MDGA2: variants seen among roughly 807,000 people sequenced by gnomAD.
MDGA2 encodes the protein MAM domain containing glycosylphosphatidylinositol anchor 2, also known as MAM domain-containing glycosylphosphatidylinositol anchor protein 2.
In MDGA2, 40 loss-of-function variants were observed where a neutral mutation model predicts 117.8. The ratio of observed to expected loss-of-function variants is 0.34; its 90% CI spans 0.26 to 0.44. The LOEUF (loss-of-function observed/expected upper bound fraction) is 0.44. Ranked by LOEUF, MDGA2 falls within the 20% of genes least tolerant of loss-of-function variation. MDGA2 has a pLI of 1.00. For missense variants in MDGA2, 1,123 were observed against 1,250.6 expected (o/e 0.90, Z 1.54); for synonymous variants, 452 against 439.0 (o/e 1.03, Z -0.37).
At chr14:47,106,214 A>C (rs1017636404) in intron 5 of MDGA2, among the ~76,000 whole-genome samples, 39 of 152,252 alleles carry the variant, frequency 2.6e-4, no homozygotes, top group Admixed American at 6.5e-4. Context: ...AATACATTTT[A>C]TTACCCAATC....
intron 3 of MDGA2, among the ~76,000 whole-genome samples, chr14:47,185,423 G>A (rs1884871740): frequency 6.6e-6 from 1 of 151,432 alleles, no homozygotes; most frequent in South Asian, 2.1e-4. Context: ...AGTTAATGAA[G>A]CTAAAGGTCA....
chr14:47,616,039 G>A (rs1896943389), intron 1 of MDGA2, among the ~76,000 whole-genome samples: 1 of 152,144 alleles, frequency 6.6e-6, no homozygotes, highest in South Asian at 2.1e-4. Flanking sequence ...GGAATGAGTA[G>A]GAGCGAGAGA....
At chr14:47,287,314 G>T (rs1359732521) in intron 2 of MDGA2, among the ~76,000 whole-genome samples, 6 of 152,088 alleles carry the variant, frequency 3.9e-5, no homozygotes, top group South Asian at 2.1e-4. Flanking sequence ...CAAGTAGAAG[G>T]GACCACAAAT....
In MDGA2 at chr14:47,639,782, A is replaced by G. The variant is rs576276850; in HGVS notation, c.280+34735T>C. On this transcript the variant is annotated intron_variant, in intron 1 of 16. Coordinates refer to ENST00000399232, the MANE Select transcript of MDGA2 (RefSeq NM_001113498.3). Reference sequence around the variant, plus strand: ...TCCAACAACAATCCGTCAAAATGTTAACACTGTATAAGACTCCACATGTGC... The same window carrying G: ...TCCAACAACAATCCGTCAAAATGTTGACACTGTATAAGACTCCACATGTGC... Among the ~76,000 whole-genome samples, 4 of 152,282 alleles carry G rather than the reference A, an allele frequency of 2.6e-5. No homozygotes were observed. In the East Asian group the frequency reaches 7.7e-4, roughly 29 times the overall value.
At chr14:47,324,313 G>C (rs1219075242) in intron 1 of MDGA2, among the ~76,000 whole-genome samples, 1 of 152,124 alleles carries the variant, frequency 6.6e-6, no homozygotes, top group Non-Finnish European at 1.5e-5. Flanking sequence ...TTCCTAAAGT[G>C]CAAAGTATAA....
At chr14:47,440,176 A>T (rs1343195697) in intron 1 of MDGA2, among the ~76,000 whole-genome samples, 1 of 152,020 alleles carries the variant, frequency 6.6e-6, no homozygotes, top group East Asian at 1.9e-4. Flanking sequence ...ACCCCTGAGG[A>T]TCCCTGGAGG....
intron 1 of MDGA2, among the ~76,000 whole-genome samples, chr14:47,482,501 C>T (rs1272413133): frequency 6.6e-6 from 1 of 152,024 alleles, no homozygotes; most frequent in Non-Finnish European, 1.5e-5. Flanking sequence ...TCATTCAGCA[C>T]AGAGAGCAAT....
intron 1 of MDGA2, among the ~76,000 whole-genome samples, chr14:47,497,325 C>T (rs1445890348): frequency 6.6e-6 from 1 of 152,162 alleles, no homozygotes; most frequent in Non-Finnish European, 1.5e-5. Flanking sequence ...GGCCCAATCT[C>T]GGCTCACTGC....
At chr14:47,219,503 T>C (rs550615090) in intron 2 of MDGA2, among the ~76,000 whole-genome samples, 1 of 152,092 alleles carries the variant, frequency 6.6e-6, no homozygotes, top group African/African-American at 2.4e-5. Flanking sequence ...ATTACTGACA[T>C]ACCCATAAGA....
intron 1 of MDGA2, among the ~76,000 whole-genome samples, chr14:47,477,285 A>C (rs1284906366): frequency 6.6e-6 from 1 of 152,068 alleles, no homozygotes; most frequent in Non-Finnish European, 1.5e-5. Flanking sequence ...ATTTTTTTTC[A>C]GTTTTTAGTC....
At chr14:47,307,112 T>C (rs1472044460) in intron 1 of MDGA2, among the ~76,000 whole-genome samples, 1 of 152,188 alleles carries the variant, frequency 6.6e-6, no homozygotes, top group Non-Finnish European at 1.5e-5. Flanking sequence ...TTGTCAATGA[T>C]TGGTTTCTTC....
At chr14:47,486,832 C>T (rs1169067757) in intron 1 of MDGA2, among the ~76,000 whole-genome samples, 2 of 152,142 alleles carry the variant, frequency 1.3e-5, no homozygotes, top group African/African-American at 4.8e-5. Context: ...GTGAGGCTTC[C>T]TCAGCCATGT....
intron 1 of MDGA2, among the ~76,000 whole-genome samples, chr14:47,549,324 G>C (rs1041109225): frequency 7.6e-6 from 1 of 131,846 alleles, no homozygotes; most frequent in Non-Finnish European, 1.7e-5. Context: ...AGTTCATGTT[G>C]ATAGGTTTCA....
At chr14:47,479,847 C>T (rs1893915713) in intron 1 of MDGA2, among the ~76,000 whole-genome samples, 1 of 152,072 alleles carries the variant, frequency 6.6e-6, no homozygotes, top group African/African-American at 2.4e-5. Flanking sequence ...CCACACAAAA[C>T]CTCAGTTATA....
chr14:47,021,658 AAT>A (rs35777329), intron 8 of MDGA2, among the ~76,000 whole-genome samples: 7,475 of 152,256 alleles, frequency 0.049, 234 homozygotes, highest in Middle Eastern at 0.075. Flanking sequence ...TGAAACAATT[AAT>A]AGAGTATGGT....
rs1455740678 is a variant in MDGA2 at position 47,144,265 on chromosome 14, T to C, written c.605A>G (p.Asp202Gly). 1.9e-6 allele frequency: 3 copies of C among 1,547,846 alleles called. No individual in the cohort carries two copies. The African/African-American group carries it at 4.1e-5, about 21-fold the overall frequency. The stretch of plus-strand genomic sequence containing the variant: ...ACTTTGATGAACAGTTACTACTGGA[T>C]CATCCAAATCTAAAGGAAATAAAAA... The part of the protein sequence containing the change: ...SIRVDVYYLD[D>G]PVVTVHQSIG... Residue 202 changes from aspartate to glycine, a missense_variant, in exon 4 of 17, where the codon GAT becomes GGT. Asp to Gly is a moderately conservative substitution (Grantham distance 94). Transcript: ENST00000399232.
At chr14:47,284,882 T>G (rs562296429) in intron 2 of MDGA2, among the ~76,000 whole-genome samples, 1 of 152,228 alleles carries the variant, frequency 6.6e-6, no homozygotes, top group South Asian at 2.1e-4. Context: ...TATCGGTATG[T>G]CTAATAGTAT....
intron 1 of MDGA2, among the ~76,000 whole-genome samples, chr14:47,570,539 T>C (rs1324443776): frequency 6.6e-6 from 1 of 152,118 alleles, no homozygotes; most frequent in African/African-American, 2.4e-5. Context: ...TGTATTTCCA[T>C]TTCATATTAT....
At chr14:47,039,771 G>C (rs1488326092) in intron 7 of MDGA2, among the ~76,000 whole-genome samples, 3 of 152,132 alleles carry the variant, frequency 2.0e-5, no homozygotes, top group African/African-American at 7.2e-5. Flanking sequence ...TTTATATTAA[G>C]TGGGAAAAGC....
Sources: allele counts gnomAD v4.1 joint callset (sites outside exome capture counted in the v4.1 genomes callset), GRCh38; gene constraint gnomAD v4.1.1; transcripts MANE v1.5; gene names NCBI Gene and HGNC (gene_info 2026-07-23, HGNC 2026-07-21).